Variants in CDH12 observed in about 807,000 individuals in gnomAD.
The protein encoded by CDH12 is cadherin 12.
A neutral mutation model predicts 74.1 loss-of-function variants in CDH12; 41 were observed. The observed-to-expected ratio is 0.55, with a 90% CI of 0.43 to 0.72. CDH12 has a LOEUF of 0.72. Ranked by LOEUF, CDH12 falls within the 30% of genes least tolerant of loss-of-function variation. The probability of loss-of-function intolerance (pLI) is 0.00; values close to 1 mark genes in which losing one functional copy is unlikely to be tolerated. For synonymous variants in CDH12, 399 were observed against 355.0 expected, an observed-to-expected ratio of 1.12 and a Z score of -1.39; for missense variants, 945 against 977.2, an observed-to-expected ratio of 0.97 and a Z score of 0.44.
chr5:22,455,781 C>G (rs537728339), intron 2 of CDH12, among the ~76,000 whole-genome samples: 1 of 152,044 alleles, frequency 6.6e-6, no homozygotes, highest in Non-Finnish European at 1.5e-5. Context: ...GTAAACAACA[C>G]TTTAAAAGGA....
intron 2 of CDH12, among the ~76,000 whole-genome samples, chr5:22,406,462 G>A (rs529484423): frequency 2.0e-5 from 3 of 152,114 alleles, no homozygotes; most frequent in African/African-American, 4.8e-5. Flanking sequence ...TATTTGAGAG[G>A]GTTATAATGT....
rs918083745 is a variant in CDH12, at chr5:21,883,625, T to C, written c.527-28835A>G. On this transcript the variant is annotated intron_variant, in intron 6 of 14. Coordinates refer to ENST00000382254, the MANE Select transcript of CDH12 (RefSeq NM_004061.5). Reference sequence around the variant, plus strand: ...TTCAGCCTCATGACTTAGGAAAAGTTGGAGAGGTCATTGTGACCAAAGACG... The same window carrying C: ...TTCAGCCTCATGACTTAGGAAAAGTCGGAGAGGTCATTGTGACCAAAGACG... 5 of 1,611,092 alleles carry C rather than the reference T, an allele frequency of 3.1e-6. No individual in the cohort carries two copies. The African/African-American group carries it at 6.7e-5, about 22-fold the overall frequency.
At chr5:21,849,294 T>C (rs978958960) in intron 7 of CDH12, among the ~76,000 whole-genome samples, 1 of 151,664 alleles carries the variant, frequency 6.6e-6, no homozygotes, top group Non-Finnish European at 1.5e-5. Context: ...AGCCCAAACA[T>C]CCTTAGTTAT....
intron 1 of CDH12, among the ~76,000 whole-genome samples, chr5:22,812,465 C>G (rs1420241996): frequency 6.6e-6 from 1 of 152,108 alleles, no homozygotes; most frequent in African/African-American, 2.4e-5. Flanking sequence ...GTTGGGATAG[C>G]AGAGCATTAA....
intron 1 of CDH12, among the ~76,000 whole-genome samples, chr5:22,827,057 C>T (rs1303579395): frequency 1.3e-5 from 2 of 152,172 alleles, no homozygotes; most frequent in Non-Finnish European, 2.9e-5. Flanking sequence ...TACAGGCCCA[C>T]AGGTTTAAGA....
intron 1 of CDH12, among the ~76,000 whole-genome samples, chr5:22,640,867 C>A (rs1461852917): frequency 2.0e-5 from 3 of 152,154 alleles, no homozygotes; most frequent in African/African-American, 7.2e-5. Context: ...TCTCTACCAG[C>A]CACCAAAATC....
chr5:22,004,736 A>T (rs2150146980), intron 5 of CDH12, among the ~76,000 whole-genome samples: 1 of 152,192 alleles, frequency 6.6e-6, no homozygotes, highest in Non-Finnish European at 1.5e-5. Flanking sequence ...TGTGCTTCTA[A>T]TGTACCCATC....
Position 22,519,424 on chromosome 5 carries a change from C to CT in CDH12, c.-522-14061dup, listed in dbSNP as rs373678915. ...TTACAGACAACTCCGTATCCACACT[C>CT]TTTTTTTTTTTTTTTTTGAGATGGA... On this transcript the variant is annotated intron_variant, in intron 1 of 14. Transcript: ENST00000382254. Among the ~76,000 whole-genome samples, 687 of 140,694 alleles carry CT rather than the reference C, an allele frequency of 4.9e-3. 5 individuals are homozygous for CT. The highest frequency in any genetic ancestry group is 0.021 in the East Asian group (102 of 4,752). 92.3% of individuals were successfully genotyped at this position (140,694 alleles called of 152,430 possible).
At chr5:22,364,828 G>A (rs1580568406) in intron 3 of CDH12, among the ~76,000 whole-genome samples, 1 of 152,270 alleles carries the variant, frequency 6.6e-6, no homozygotes, top group East Asian at 1.9e-4. Context: ...ATTTGAACAT[G>A]TTTATCTGGG....
At position 22,003,582 on chromosome 5, in the gene CDH12, G is replaced by A. The variant is rs1169225820; in HGVS notation, c.232-28197C>T. Among the ~76,000 whole-genome samples the A allele has an allele frequency of 5.1e-5, 6 of 117,458 alleles. No homozygotes were observed. In the East Asian group the frequency reaches 1.3e-3, roughly 26 times the overall value. The allele number at this position is 117,458 out of a possible 152,430, so 77.1% of individuals were successfully genotyped here. On this transcript the variant is annotated intron_variant, in intron 5 of 14. Transcript: ENST00000382254. ...GTGGGCCGTCCTCTGAGCACCATAA[G>A]AAAATGTAATTTCATTGAATAATTC...
intron 7 of CDH12, among the ~76,000 whole-genome samples, chr5:21,843,518 CT>C (rs5866528): frequency 1.7e-3 from 250 of 144,986 alleles, no homozygotes; most frequent in Middle Eastern, 0.011. Context: ...TGTACTGACA[CT>C]TTTTTTTTTT....
At chr5:21,903,729 A>C (rs972863104) in intron 6 of CDH12, among the ~76,000 whole-genome samples, 66 of 152,316 alleles carry the variant, frequency 4.3e-4, no homozygotes, top group African/African-American at 1.6e-3. Flanking sequence ...GAGAAAAATA[A>C]AAACAAAACA....
chr5:22,519,658 C>T (rs1736963756), intron 1 of CDH12, among the ~76,000 whole-genome samples: 1 of 151,936 alleles, frequency 6.6e-6, no homozygotes, highest in Admixed American at 6.6e-5. Flanking sequence ...CTCCTGACCT[C>T]GTGATCTGCT....
At chr5:22,153,418 T>C (rs543922018) in intron 4 of CDH12, among the ~76,000 whole-genome samples, 3 of 151,952 alleles carry the variant, frequency 2.0e-5, no homozygotes, top group African/African-American at 7.2e-5. Flanking sequence ...CTTAACCACA[T>C]TGCTTGTTTT....
chr5:22,393,389 G>T (rs1405107887), intron 3 of CDH12, among the ~76,000 whole-genome samples: 1 of 152,094 alleles, frequency 6.6e-6, no homozygotes, highest in Non-Finnish European at 1.5e-5. Context: ...CTGACACTTC[G>T]ATTTAAGACT....
rs1269594827 is a variant in CDH12 at position 22,483,520 on chromosome 5, G to T, written c.-428+21750C>A. 1.5e-4 allele frequency among the ~76,000 whole-genome samples: 22 copies of T among 150,796 alleles called. No homozygotes were observed. The Admixed American group carries it at 1.5e-3, about 10-fold the overall frequency. The stretch of plus-strand genomic sequence containing the variant: ...TAAGTGATAGATAGTTGCTGGGCTT[G>T]TTACTCTAAGACCATGTAGTGATGG... On this transcript the variant is annotated intron_variant, in intron 2 of 14. Coordinates refer to ENST00000382254, the MANE Select transcript of CDH12 (RefSeq NM_004061.5).
chr5:22,187,167 T>A (rs4307064), intron 4 of CDH12, among the ~76,000 whole-genome samples: 148,878 of 152,308 alleles, frequency 0.98, 72,881 homozygotes, highest in East Asian at 1. Context: ...CACGAGCACA[T>A]ATGAGGTCCC....
intron 1 of CDH12, among the ~76,000 whole-genome samples, chr5:22,824,303 A>ATT (rs1253291562): frequency 6.6e-6 from 1 of 152,162 alleles, no homozygotes; most frequent in East Asian, 1.9e-4. Context: ...TCAAGCATAT[A>ATT]TTTAAGATGA....
chr5:22,706,323 GT>G (rs1332185414), intron 1 of CDH12, among the ~76,000 whole-genome samples: 8 of 151,792 alleles, frequency 5.3e-5, no homozygotes, highest in Non-Finnish European at 1.0e-4. Flanking sequence ...GCATGCTTAT[GT>G]TTTTCCATTT....
Sources: allele counts gnomAD v4.1 joint callset (sites outside exome capture counted in the v4.1 genomes callset), GRCh38; gene constraint gnomAD v4.1.1; transcripts MANE v1.5; gene names NCBI Gene and HGNC (gene_info 2026-07-23, HGNC 2026-07-21).